Variants in MAGI1 observed in about 807,000 individuals in gnomAD.
The protein encoded by MAGI1 is membrane-associated guanylate kinase, WW and PDZ domain-containing protein 1.
In MAGI1, 58 loss-of-function variants were observed where a neutral mutation model predicts 139.9. The ratio of observed to expected loss-of-function variants is 0.41; its 90% CI spans 0.34 to 0.52. The LOEUF (loss-of-function observed/expected upper bound fraction) is 0.52, where lower values mean the gene tolerates loss of function less well. Among genes scored for constraint, MAGI1 ranks in the 20% least tolerant of loss-of-function variants. The pLI, the probability that MAGI1 is intolerant of heterozygous loss-of-function variation, is 0.12. For missense variants in MAGI1, 1,874 were observed against 1,901.6 expected, an observed-to-expected ratio of 0.99 and a Z score of 0.27; for synonymous variants, 812 against 737.9, an observed-to-expected ratio of 1.10 and a Z score of -1.63.
chr3:65,535,161 G>T (rs1189551162), intron 2 of MAGI1, among the ~76,000 whole-genome samples: 1 of 152,076 alleles, frequency 6.6e-6, no homozygotes. Context: ...ATTTGAAAAA[G>T]ATATGAAAGA....
intron 12 of MAGI1, among the ~76,000 whole-genome samples, chr3:65,415,020 C>CA (rs60234120): frequency 2.7e-3 from 327 of 122,054 alleles, no homozygotes; most frequent in African/African-American, 4.8e-3. Context: ...AAAAAAAAAA[C>CA]AAAAAAAAAA....
chr3:65,374,425 C>T lies in MAGI1; in HGVS notation c.3196+1320G>A, dbSNP rs564628432. On this transcript the variant is annotated intron_variant, in intron 18 of 22. Transcript: ENST00000402939. ...CTCCGCCTCCCAGGCTCAAGCGATT[C>T]TTCTGCCTCAGCCTCCCAAGTAGCT... 2.2e-4 allele frequency among the ~76,000 whole-genome samples: 31 copies of T among 142,050 alleles called. No homozygotes were observed. The South Asian group carries it at 6.2e-3, about 28-fold the overall frequency. The allele number at this position is 142,050 out of a possible 152,430, so 93.2% of individuals were successfully genotyped here.
chr3:65,486,201 T>C (rs1951625086), intron 3 of MAGI1, among the ~76,000 whole-genome samples: 1 of 152,220 alleles, frequency 6.6e-6, no homozygotes, highest in Admixed American at 6.5e-5. Flanking sequence ...AATAACATTA[T>C]TGAATGCTGA....
chr3:65,566,696 A>G (rs1049657476), intron 2 of MAGI1, among the ~76,000 whole-genome samples: 3 of 152,190 alleles, frequency 2.0e-5, no homozygotes, highest in Admixed American at 6.5e-5. Context: ...TTCAGCAATA[A>G]ATAACCCAAA....
At chr3:65,712,501 GT>G (rs989198048) in intron 1 of MAGI1, among the ~76,000 whole-genome samples, 1 of 148,972 alleles carries the variant, frequency 6.7e-6, no homozygotes, top group African/African-American at 2.5e-5. Flanking sequence ...ATTGTGTTTT[GT>G]TTTTGTTTTT....
chr3:65,830,993 A>C (rs1324661389), intron 1 of MAGI1, among the ~76,000 whole-genome samples: 3 of 148,748 alleles, frequency 2.0e-5, no homozygotes, highest in African/African-American at 7.3e-5. Flanking sequence ...AGCTATATGT[A>C]CTTTTAGCAA....
chr3:65,978,621 C>A (rs112761181), intron 1 of MAGI1, among the ~76,000 whole-genome samples: 1 of 129,160 alleles, frequency 7.7e-6, no homozygotes, highest in Non-Finnish European at 1.6e-5. Flanking sequence ...CTCAAAATTT[C>A]TTTTTTTTTT....
At chr3:65,368,272 T>C (rs1403107781) in intron 18 of MAGI1, among the ~76,000 whole-genome samples, 1 of 152,188 alleles carries the variant, frequency 6.6e-6, no homozygotes, top group Non-Finnish European at 1.5e-5. Flanking sequence ...GCAAGGCACA[T>C]GGACAGATTA....
At chr3:65,545,227 G>A (rs1030151844) in intron 2 of MAGI1, among the ~76,000 whole-genome samples, 1 of 152,056 alleles carries the variant, frequency 6.6e-6, no homozygotes, top group African/African-American at 2.4e-5. Flanking sequence ...TAACTTAAAA[G>A]AAACTTGAGA....
At chr3:65,816,272 C>A (rs2041592814) in intron 1 of MAGI1, among the ~76,000 whole-genome samples, 1 of 150,832 alleles carries the variant, frequency 6.6e-6, no homozygotes, top group African/African-American at 2.4e-5. Flanking sequence ...ATCTCTAGAA[C>A]AGGACTATCC....
At chr3:66,025,099 T>C (rs1043491570) in intron 1 of MAGI1, among the ~76,000 whole-genome samples, 2 of 152,214 alleles carry the variant, frequency 1.3e-5, no homozygotes, top group Non-Finnish European at 2.9e-5. Context: ...TGTATGAGGG[T>C]AGTCATCAAT....
At chr3:65,610,358 T>C (rs1416034426) in intron 2 of MAGI1, among the ~76,000 whole-genome samples, 1 of 152,154 alleles carries the variant, frequency 6.6e-6, no homozygotes, top group Non-Finnish European at 1.5e-5. Flanking sequence ...TTCCCAGAAT[T>C]AGCTAGGGTC....
chr3:65,588,642 CA>C (rs1389298360), intron 2 of MAGI1, among the ~76,000 whole-genome samples: 1 of 152,064 alleles, frequency 6.6e-6, no homozygotes, highest in African/African-American at 2.4e-5. Flanking sequence ...AGTTCTCTTG[CA>C]ATATTATGTT....
intron 1 of MAGI1, among the ~76,000 whole-genome samples, chr3:65,844,708 A>T (rs1417697583): frequency 6.6e-6 from 1 of 152,168 alleles, no homozygotes; most frequent in Non-Finnish European, 1.5e-5. Context: ...AAAGAAACTG[A>T]AAACCCAATT....
rs1286943964 is a variant in MAGI1 at position 65,357,275 on chromosome 3, GTTAAC to G, written c.3635-148_3635-144del. 4 of 831,608 alleles carry G rather than the reference GTTAAC, an allele frequency of 4.8e-6. No homozygotes were observed. In the African/African-American group the frequency reaches 7.0e-5, roughly 15 times the overall value. The allele number at this position is 831,608 out of a possible 1,614,324, so 51.5% of individuals were successfully genotyped here. On this transcript the variant is annotated intron_variant, in intron 22 of 22. Coordinates refer to ENST00000402939, the MANE Select transcript of MAGI1 (RefSeq NM_001033057.2). The stretch of plus-strand genomic sequence containing the variant: ...GTCAGACTCAAAGCCAACTGAATCT[GTTAAC>G]TTAAGGATAACTGCACGTAGTTAGG...
chr3:65,926,421 C>A (rs935991308), intron 1 of MAGI1, among the ~76,000 whole-genome samples: 3 of 150,762 alleles, frequency 2.0e-5, no homozygotes, highest in Admixed American at 6.6e-5. Flanking sequence ...AACAGAGCAA[C>A]TCCATCTTGA....
intron 1 of MAGI1, among the ~76,000 whole-genome samples, chr3:66,029,605 G>T (rs541302511): frequency 2.0e-5 from 3 of 152,104 alleles, no homozygotes; most frequent in African/African-American, 7.2e-5. Flanking sequence ...CTCAGCATGG[G>T]GCTGCCTTAG....
intron 1 of MAGI1, among the ~76,000 whole-genome samples, chr3:65,777,463 TACC>T (rs1434948619): frequency 2.6e-5 from 4 of 152,034 alleles, no homozygotes; most frequent in Non-Finnish European, 5.9e-5. Flanking sequence ...TTGGCATAAA[TACC>T]AAATGGACTT....
intron 1 of MAGI1, chr3:65,687,894 T>C: frequency 1.5e-6 from 1 of 647,874 alleles, no homozygotes. Flanking sequence ...TATCAAGGTA[T>C]TGCAGGGTGC....
Sources: gnomAD v4.1 joint callset for allele counts (sites outside exome capture counted in the v4.1 genomes callset) on GRCh38, gnomAD v4.1.1 for gene constraint, MANE v1.5 for transcripts, NCBI Gene and HGNC (gene_info 2026-07-23, HGNC 2026-07-21) for gene names.